Variants in POU6F2 observed in about 807,000 individuals in gnomAD.
POU6F2 encodes the protein POU class 6 homeobox 2.
Under a neutral mutation model 71.3 loss-of-function variants are expected in POU6F2, and 31 were observed. That is an observed-to-expected ratio of 0.43 (90% CI 0.33 to 0.59). The LOEUF (loss-of-function observed/expected upper bound fraction) is 0.59, where lower values mean the gene tolerates loss of function less well. Among genes scored for constraint, POU6F2 ranks in the 20% least tolerant of loss-of-function variants. The pLI, the probability that POU6F2 is intolerant of heterozygous loss-of-function variation, is 0.04. For missense variants in POU6F2, 783 were observed against 856.8 expected, an observed-to-expected ratio of 0.91 and a Z score of 1.07; for synonymous variants, 347 against 355.7, an observed-to-expected ratio of 0.98 and a Z score of 0.27.
chr7:39,189,532 G>A (rs1195671918), intron 2 of POU6F2, among the ~76,000 whole-genome samples: 1 of 152,052 alleles, frequency 6.6e-6, no homozygotes, highest in Admixed American at 6.6e-5. Flanking sequence ...CCGAGTAGCT[G>A]GGACTACAGG....
Position 39,307,645 on chromosome 7 carries a change from C to CA in POU6F2, c.599-31990dup, listed in dbSNP as rs34638212. 1.6e-3 allele frequency among the ~76,000 whole-genome samples: 237 copies of CA among 151,984 alleles called. 7 individuals carry two copies. In the East Asian group the frequency reaches 0.039, roughly 25 times the overall value. On this transcript the variant is annotated intron_variant, in intron 4 of 9. Coordinates refer to ENST00000518318, the MANE Select transcript of POU6F2 (RefSeq NM_001370959.1). ...GTAAAGTTTTAGGATTATTGTCAAA[C>CA]AAAAAAAGTCCTCAATTAAGTTACT...
intron 8 of POU6F2, among the ~76,000 whole-genome samples, chr7:39,458,846 T>C (rs1003672626): frequency 1.3e-5 from 2 of 152,146 alleles, no homozygotes; most frequent in Non-Finnish European, 2.9e-5. Flanking sequence ...CTCCCTGCAT[T>C]TCTGCCTGTG....
intron 1 of POU6F2, chr7:39,002,198 T>C (rs1332034091): frequency 6.6e-6 from 1 of 152,234 alleles, no homozygotes; most frequent in Non-Finnish European, 1.5e-5. Context: ...TTTACGCATT[T>C]TCTTTGATAG....
intron 4 of POU6F2, among the ~76,000 whole-genome samples, chr7:39,255,461 C>T (rs896358794): frequency 2.0e-5 from 3 of 152,192 alleles, no homozygotes; most frequent in African/African-American, 7.2e-5. Context: ...ACGCCTTTCT[C>T]ATCTTTGTGT....
At position 39,034,614 on chromosome 7, in the gene POU6F2, G is replaced by A. The variant is rs575850841; in HGVS notation, c.106-51246G>A. 3 of 245,456 alleles carry A rather than the reference G, an allele frequency of 1.2e-5. No individual in the cohort carries two copies. In the East Asian group the frequency reaches 2.9e-4, roughly 24 times the overall value. 15.2% of individuals were successfully genotyped at this position (245,456 alleles called of 1,614,324 possible). On this transcript the variant is annotated intron_variant, in intron 1 of 9. Transcript: ENST00000518318. ...ATCGATGGACCAAAATGAGTCCTGA[G>A]TTTCAGGCAATCAATGCGATTTTTC...
At chr7:39,403,840 T>C (rs1787357380) in intron 5 of POU6F2, among the ~76,000 whole-genome samples, 1 of 152,180 alleles carries the variant, frequency 6.6e-6, no homozygotes. Context: ...GTTACATCCA[T>C]CAACACCACC....
At chr7:39,202,857 T>C (rs1009088715) in intron 2 of POU6F2, among the ~76,000 whole-genome samples, 8 of 152,252 alleles carry the variant, frequency 5.3e-5, no homozygotes, top group Non-Finnish European at 7.3e-5. Context: ...GTGTTTTTAT[T>C]AGTTTGTTCC....
At chr7:39,273,343 T>C (rs1398826605) in intron 4 of POU6F2, among the ~76,000 whole-genome samples, 1 of 152,194 alleles carries the variant, frequency 6.6e-6, no homozygotes, top group East Asian at 1.9e-4. Flanking sequence ...TTATCAGCGA[T>C]GCCATGTGGA....
chr7:39,174,943 T>G (rs1177499206), intron 2 of POU6F2, among the ~76,000 whole-genome samples: 2 of 152,204 alleles, frequency 1.3e-5, no homozygotes, highest in Non-Finnish European at 2.9e-5. Context: ...GTCAGCCATG[T>G]GCTCCTTGTA....
At chr7:39,258,715 G>C (rs919752098) in intron 4 of POU6F2, among the ~76,000 whole-genome samples, 2 of 116,354 alleles carry the variant, frequency 1.7e-5, no homozygotes, top group African/African-American at 5.8e-5. Context: ...AAAAAAAAAA[G>C]AAGAAGAAGA....
rs1348623686 is a variant in POU6F2, at chr7:39,086,044, A to G, written c.277+13A>G. On this transcript the variant is annotated intron_variant, in intron 2 of 9. Coordinates refer to ENST00000518318, the MANE Select transcript of POU6F2 (RefSeq NM_001370959.1). Reference sequence around the variant, plus strand: ...AGCAAGCTCTTCGGTAAGTCTGTCTAGGTATTTCATTTCAGTACTACCATG... The same window carrying G: ...AGCAAGCTCTTCGGTAAGTCTGTCTGGGTATTTCATTTCAGTACTACCATG... 1 of 1,612,218 alleles carries G rather than the reference A, an allele frequency of 6.2e-7. No homozygotes were observed. Among genetic ancestry groups the G allele is most frequent in the Non-Finnish European group, 8.5e-7 (1 of 1,179,060 alleles).
Position 39,464,842 on chromosome 7 carries a change from G to A in POU6F2, c.*156G>A. ...TAAATGACTAAGAAAACTACCAAGT[G>A]GACAGAATGGTTTCTACATGTCCGT... On this transcript the variant is annotated 3_prime_UTR_variant, in exon 10 of 10. Transcript: ENST00000518318. This position sits in a 1 kb window ranked among gnomAD's most constrained non-coding sequence, Gnocchi z 4.1. 1.0e-6 allele frequency: 1 copy of A among 982,122 alleles called. No individual in the cohort carries two copies. Among genetic ancestry groups the A allele is most frequent in the Non-Finnish European group, 1.5e-6 (1 of 688,992 alleles). 60.8% of individuals were successfully genotyped at this position (982,122 alleles called of 1,614,324 possible).
chr7:39,174,957 T>C (rs1309382285), intron 2 of POU6F2, among the ~76,000 whole-genome samples: 3 of 152,108 alleles, frequency 2.0e-5, no homozygotes, highest in Non-Finnish European at 4.4e-5. Flanking sequence ...CCTTGTACTC[T>C]TTATTTCTCT....
chr7:39,320,232 C>A (rs1463561676), intron 4 of POU6F2, among the ~76,000 whole-genome samples: 1 of 152,208 alleles, frequency 6.6e-6, no homozygotes, highest in Non-Finnish European at 1.5e-5. Context: ...CGTGGCCCAC[C>A]TTCCAGATTC....
chr7:39,390,524 A>G (rs1032977202), intron 5 of POU6F2, among the ~76,000 whole-genome samples: 9 of 152,230 alleles, frequency 5.9e-5, no homozygotes, highest in African/African-American at 9.6e-5. Flanking sequence ...ACCAATTTGC[A>G]TGAACATTAA....
chr7:39,207,976 A>G (rs938622459), intron 4 of POU6F2, among the ~76,000 whole-genome samples: 5 of 152,216 alleles, frequency 3.3e-5, no homozygotes, highest in Admixed American at 1.3e-4. Flanking sequence ...CAATTTAGCC[A>G]TGGGTAAAGA....
intron 2 of POU6F2, among the ~76,000 whole-genome samples, chr7:39,151,725 G>T (rs1489433191): frequency 1.3e-5 from 2 of 152,152 alleles, no homozygotes; most frequent in East Asian, 3.8e-4. Context: ...AAAATGCCAT[G>T]TCAGGGCAAT....
chr7:39,276,908 AGGGGGAG>A (rs1562773461), intron 4 of POU6F2, among the ~76,000 whole-genome samples: 2 of 97,310 alleles, frequency 2.1e-5, no homozygotes, highest in Non-Finnish European at 4.1e-5. Context: ...GTTGTGGGGT[AGGGGGAG>A]GGGGGAGGGA....
chr7:39,423,122 C>T (rs1242512838), intron 6 of POU6F2, among the ~76,000 whole-genome samples: 1 of 152,180 alleles, frequency 6.6e-6, no homozygotes, highest in East Asian at 1.9e-4. Flanking sequence ...TGTAATTGGT[C>T]TTCAAAAGGA....
Sources: allele counts gnomAD v4.1 joint callset (sites outside exome capture counted in the v4.1 genomes callset), GRCh38; gene constraint gnomAD v4.1.1; non-coding constraint Gnocchi (gnomAD v3.1); transcripts MANE v1.5; gene names NCBI Gene and HGNC (gene_info 2026-07-23, HGNC 2026-07-21).